The following KIF5B variants were observed in gnomAD, a reference collection of about 807,000 sequenced individuals.
KIF5B encodes the protein kinesin-1 heavy chain.
A neutral mutation model predicts 132.8 loss-of-function variants in KIF5B; 49 were observed. That is an observed-to-expected ratio of 0.37 (90% CI 0.29 to 0.47). KIF5B has a LOEUF of 0.47. Among genes scored for constraint, KIF5B ranks in the 20% least tolerant of loss-of-function variants. The pLI is 1.00. For missense variants in KIF5B, 780 were observed against 1,144.0 expected, an observed-to-expected ratio of 0.68 and a Z score of 4.59; for synonymous variants, 355 against 369.4, an observed-to-expected ratio of 0.96 and a Z score of 0.45.
intron 3 of KIF5B, among the ~76,000 whole-genome samples, chr10:32,039,942 G>A (rs1280072474): frequency 5.9e-5 from 9 of 152,184 alleles, no homozygotes; most frequent in African/African-American, 1.9e-4. Flanking sequence ...CAAAGCTATA[G>A]TGGGTCCACA....
At chr10:32,016,616 A>G (rs1841170407) in intron 24 of KIF5B, among the ~76,000 whole-genome samples, 1 of 152,114 alleles carries the variant, frequency 6.6e-6, no homozygotes, top group South Asian at 2.1e-4. Flanking sequence ...ATCTCGGCTC[A>G]TTGCAATCTC....
intron 4 of KIF5B, 148 bp downstream of exon 4, chr10:32,039,179 A>T: frequency 5.8e-6 from 3 of 520,858 alleles, no homozygotes; most frequent in Non-Finnish European, 1.0e-5. Flanking sequence ...CAGATGAACA[A>T]AAATCCAAGT....
In KIF5B at chr10:32,034,033, T is replaced by A. The variant is rs778633663; in HGVS notation, c.1117A>T (p.Thr373Ser). 1 of 1,554,288 alleles carries A rather than the reference T, an allele frequency of 6.4e-7. No homozygotes were observed. Among genetic ancestry groups the A allele is most frequent in the Admixed American group, 2.1e-5 (1 of 48,508 alleles). The change falls in exon 12 of 26, where the codon ACG (threonine) becomes TCG (serine). Residue 373 changes from threonine (T) to serine (S), a missense_variant. Thr to Ser is a moderately conservative substitution (Grantham distance 58, BLOSUM62 1). Around this residue, in one of 9 missense-constraint regions of KIF5B, gnomAD observed 471 missense variants for 569.9 expected, o/e 0.83. Coordinates refer to ENST00000302418, the MANE Select transcript of KIF5B (RefSeq NM_004521.3). ...TCAAACTGTTCATCAATAGGCACCG[T>A]CTCCCCTAAAATAAGAAAATAAAGT... ...NELNRWRNGE[T>S]VPIDEQFDKE...
intron 3 of KIF5B, 38 bp from the exon 4 acceptor site, chr10:32,039,469 A>T: frequency 1.1e-6 from 1 of 887,134 alleles, no homozygotes; most frequent in South Asian, 1.5e-5. Context: ...TAAATAAATT[A>T]TAAAATATGA....
intron 13 of KIF5B, among the ~76,000 whole-genome samples, chr10:32,032,388 C>T (rs1430795011): frequency 2.6e-5 from 4 of 151,834 alleles, no homozygotes; most frequent in Non-Finnish European, 5.9e-5. Flanking sequence ...ACCACCCCCA[C>T]AAAAAAATTT....
rs1564464131 is a variant in KIF5B at position 32,022,891 on chromosome 10, T to C, written c.1871A>G (p.Glu624Gly). The C allele has an allele frequency of 3.7e-6, 6 of 1,613,620 alleles. No homozygotes were observed. Among genetic ancestry groups the C allele is most frequent in the South Asian group, 1.1e-5 (1 of 91,016 alleles). ...TQTESNKKMEENEKELAACQL... is the reference protein window; with the variant it reads ...TQTESNKKMEGNEKELAACQL... ...ACATGCTGCTAACTCCTTTTCATTTTCTTCCATTTTTTTGTTGCTCTCAGT... is the reference window on the plus strand; with the variant it reads ...ACATGCTGCTAACTCCTTTTCATTTCCTTCCATTTTTTTGTTGCTCTCAGT... Residue 624 changes from glutamate (E) to glycine (G), a missense_variant, in exon 16 of 26, where the codon GAA becomes GGA. By Grantham distance (98) the Glu-to-Gly change is moderately conservative (BLOSUM62 -2). Around this residue, in one of 9 missense-constraint regions of KIF5B, gnomAD observed 471 missense variants for 569.9 expected, o/e 0.83. Coordinates refer to ENST00000302418, the MANE Select transcript of KIF5B (RefSeq NM_004521.3).
chr10:32,022,915 G>A lies in KIF5B; in HGVS notation c.1847C>T (p.Thr616Ile), dbSNP rs2132587736. The A allele has an allele frequency of 6.2e-7, 1 of 1,613,296 alleles. No homozygotes were observed. The highest frequency in any genetic ancestry group is 8.5e-7 in the Non-Finnish European group (1 of 1,179,550). The part of the protein sequence containing the change: ...KRCKQLESTQ[T>I]ESNKKMEENE... ...TTCTTCCATTTTTTTGTTGCTCTCA[G>A]TTTGTGTGCTTTCTAACTGCTTGCA... Residue 616 changes from threonine to isoleucine, a missense_variant, in exon 16 of 26, where the codon ACT becomes ATT. Coordinates refer to ENST00000302418, the MANE Select transcript of KIF5B (RefSeq NM_004521.3).
At chr10:32,015,828 C>G (rs1841151654) in intron 24 of KIF5B, among the ~76,000 whole-genome samples, 169 bp from the exon 25 acceptor site, 1 of 152,082 alleles carries the variant, frequency 6.6e-6, no homozygotes, top group Non-Finnish European at 1.5e-5. Flanking sequence ...TCTCTAGGAC[C>G]TATACAATTC....
intron 1 of KIF5B, among the ~76,000 whole-genome samples, chr10:32,051,734 G>A (rs1203625944): frequency 6.6e-6 from 1 of 152,124 alleles, no homozygotes; most frequent in Non-Finnish European, 1.5e-5. Flanking sequence ...TAAGGCAAAT[G>A]TTTTAATTAA....
chr10:32,010,297 G>A lies in KIF5B; in HGVS notation c.*1240C>T, dbSNP rs1841058742. The A allele has an allele frequency of 6.6e-6, 1 of 152,060 alleles. No individual in the cohort carries two copies. Among genetic ancestry groups the A allele is most frequent in the Non-Finnish European group, 1.5e-5 (1 of 68,000 alleles). The allele number at this position is 152,060 out of a possible 1,614,324, so 9.4% of individuals were successfully genotyped here. A position where few individuals can be genotyped will look rare whatever the true frequency, so the allele number is the denominator to read the frequency against. ...AGCTGTTGACTTACTTTAATCATCTGAGGAAAAAGTGGCAAAAATACGTAT... is the reference window on the plus strand; with the variant it reads ...AGCTGTTGACTTACTTTAATCATCTAAGGAAAAAGTGGCAAAAATACGTAT... On this transcript the variant is annotated 3_prime_UTR_variant, in exon 26 of 26. Transcript: ENST00000302418.
Position 32,038,977 on chromosome 10 carries a change from G to A in KIF5B, c.394-151C>T, listed in dbSNP as rs578105998. 137 of 615,906 alleles carry A rather than the reference G, an allele frequency of 2.2e-4. No homozygotes were observed. The African/African-American group carries it at 2.5e-3, about 11-fold the overall frequency. 38.2% of individuals were successfully genotyped at this position (615,906 alleles called of 1,614,324 possible). On this transcript the variant is annotated intron_variant, in intron 4 of 25. Transcript: ENST00000302418. ...CATTCTAATGGGAAGACATAAATTA[G>A]CCAAATTAGCTTAGTTATTTAAGCA...
Position 32,040,476 on chromosome 10 carries a change from T to C in KIF5B, c.215-19A>G, listed in dbSNP as rs1250486953. On this transcript the variant is annotated intron_variant, in intron 2 of 25. Transcript: ENST00000302418. ...AGTACATCTATGAGAAAAGATTTTATAGTTCAGGGGATTTTTTCCTTAAGC... is the reference window on the plus strand; with the variant it reads ...AGTACATCTATGAGAAAAGATTTTACAGTTCAGGGGATTTTTTCCTTAAGC... 3 of 1,430,318 alleles carry C rather than the reference T, an allele frequency of 2.1e-6. No individual in the cohort carries two copies. The highest frequency in any genetic ancestry group is 2.3e-5 in the East Asian group (1 of 43,934). 88.6% of individuals were successfully genotyped at this position (1,430,318 alleles called of 1,614,324 possible).
chr10:32,046,775 T>C (rs1479126441), intron 2 of KIF5B, among the ~76,000 whole-genome samples: 2 of 152,168 alleles, frequency 1.3e-5, no homozygotes, highest in Admixed American at 1.3e-4. Context: ...TACCTTTTCA[T>C]TACTAACTGC....
In KIF5B at chr10:32,017,180, T is replaced by C. The variant is rs747074223; in HGVS notation, c.2724A>G (p.Ser908=). 6.2e-7 allele frequency: 1 copy of C among 1,614,236 alleles called. No homozygotes were observed. The part of the protein sequence containing the change: ...EVDRIKEAVR[S]KNMARRGHSA... The stretch of plus-strand genomic sequence containing the variant: ...AATGCCCTCTTCTGGCCATATTCTT[T>C]GACCTGACTGCTTCCTTTATGCGAT... Residue 908 remains serine, a synonymous_variant, in exon 24 of 26, where the codon TCA becomes TCG. Transcript: ENST00000302418.
chr10:32,052,106 G>C (rs1376961519), intron 1 of KIF5B, among the ~76,000 whole-genome samples: 1 of 152,170 alleles, frequency 6.6e-6, no homozygotes, highest in African/African-American at 2.4e-5. Context: ...AGTGATTCCT[G>C]TTTGAGTATG....
chr10:32,011,929 T>TA lies in KIF5B; in HGVS notation c.*21-414dup, dbSNP rs146662607. On this transcript the variant is annotated intron_variant, in intron 25 of 25. Transcript: ENST00000302418. ...CTACTAGTTATATACATAGAAGCTTTAAAAAAAAAAGGGGGAGAGGAATAG... is the reference window on the plus strand; with the variant it reads ...CTACTAGTTATATACATAGAAGCTTTAAAAAAAAAAAGGGGGAGAGGAATAG... Among the ~76,000 whole-genome samples the TA allele has an allele frequency of 2.9e-3, 432 of 147,872 alleles. 2 individuals are homozygous for TA. Among genetic ancestry groups the TA allele is most frequent in the South Asian group, 3.0e-3 (14 of 4,688 alleles).
chr10:32,045,913 C>T (rs1424357361), intron 2 of KIF5B, among the ~76,000 whole-genome samples: 1 of 152,150 alleles, frequency 6.6e-6, no homozygotes, highest in African/African-American at 2.4e-5. Flanking sequence ...TAACTGCCAA[C>T]AATCTTATTC....
rs188270334 is a variant in KIF5B, at chr10:32,026,078, A to G, written c.1725+2350T>C. 2.0e-5 allele frequency among the ~76,000 whole-genome samples: 3 copies of G among 152,332 alleles called. No homozygotes were observed. In the East Asian group the frequency reaches 5.8e-4, roughly 29 times the overall value. ...TGCACTCCTTAAAATCCACACAACT[A>G]TAGAATACAATGAGTACAACAATCA... On this transcript the variant is annotated intron_variant, in intron 15 of 25. Transcript: ENST00000302418.
Position 32,031,298 on chromosome 10 carries a change from T to C in KIF5B, c.1375-19A>G, listed in dbSNP as rs182778246. ...CCAAAAGCTATAGGACAGAAAATAA[T>C]TTATTTTCCCCAAAAGTATACAGGT... is the stretch of plus-strand genomic sequence containing the variant. On this transcript the variant is annotated intron_variant, in intron 13 of 25. Coordinates refer to ENST00000302418, the MANE Select transcript of KIF5B (RefSeq NM_004521.3). 4.4e-4 allele frequency: 705 copies of C among 1,592,456 alleles called. 3 individuals carry two copies. In the African/African-American group the frequency reaches 8.7e-3, roughly 20 times the overall value.
Sources: gnomAD v4.1 joint callset for allele counts (sites outside exome capture counted in the v4.1 genomes callset) on GRCh38, gnomAD v4.1.1 for gene constraint, gnomAD v4.1.1 regional missense constraint, MANE v1.5 for transcripts, NCBI Gene and HGNC (gene_info 2026-07-23, HGNC 2026-07-21) for gene names.